Variants in CNTN3 observed in about 807,000 individuals in gnomAD.
CNTN3 encodes contactin 3.
A neutral mutation model predicts 119.1 loss-of-function variants in CNTN3; 60 were observed. The ratio of observed to expected loss-of-function variants is 0.50; its 90% CI spans 0.41 to 0.62. The LOEUF (loss-of-function observed/expected upper bound fraction) is 0.62, where lower values mean the gene tolerates loss of function less well. Ranked by LOEUF, CNTN3 falls within the 20% of genes least tolerant of loss-of-function variation. The pLI is 0.00. For synonymous variants in CNTN3, 450 were observed against 438.7 expected (o/e 1.03, Z -0.32); for missense variants, 1,101 against 1,242.4 (o/e 0.89, Z 1.71).
chr3:74,486,642 A>C lies in CNTN3; in HGVS notation c.183-11T>G. On this transcript the variant is annotated splice_polypyrimidine_tract_variant and intron_variant, in intron 3 of 22. Coordinates refer to ENST00000263665, the MANE Select transcript of CNTN3 (RefSeq NM_020872.3). ...CCATTCAGCTGCCATCTGTAAAACA[A>C]ATATCAAGGTTCCCCCCCCTTAGTA... The C allele has an allele frequency of 6.6e-7, 1 of 1,518,184 alleles. No homozygotes were observed. The highest frequency in any genetic ancestry group is 8.8e-7 in the Non-Finnish European group (1 of 1,139,498). The allele number at this position is 1,518,184 out of a possible 1,614,324, so 94.0% of individuals were successfully genotyped here.
Position 74,456,434 on chromosome 3 carries a change from T to G in CNTN3, c.358+30022A>C, listed in dbSNP as rs541356166. Among the ~76,000 whole-genome samples, 3 of 152,164 alleles carry G rather than the reference T, an allele frequency of 2.0e-5. No individual in the cohort carries two copies. In the East Asian group the frequency reaches 5.8e-4, roughly 30 times the overall value. ...TATATTTTTTGGCAACACATTAGGA[T>G]TATGTTGCATTAATGATCTCAACAG... On this transcript the variant is annotated intron_variant, in intron 4 of 22. Transcript: ENST00000263665.
In CNTN3 at chr3:74,319,196, C is replaced by T. The variant is rs376274020; in HGVS notation, c.1668+15539G>A. The stretch of plus-strand genomic sequence containing the variant: ...AGTTCATATGGAACCAAAAAAGAGC[C>T]GGCGTCGCCAAGTCAATCCTAACCC... On this transcript the variant is annotated intron_variant, in intron 13 of 22. Coordinates refer to ENST00000263665, the MANE Select transcript of CNTN3 (RefSeq NM_020872.3). Among the ~76,000 whole-genome samples the T allele has an allele frequency of 3.0e-4, 45 of 152,160 alleles. No homozygotes were observed. The South Asian group carries it at 5.6e-3, about 19-fold the overall frequency.
chr3:74,294,974 T>C, intron 19 of CNTN3, 147 bp downstream of exon 19: 2 of 503,310 alleles, frequency 4.0e-6, no homozygotes, highest in Non-Finnish European at 7.2e-6. Context: ...TCAGTATACA[T>C]GGAACATCAG....
chr3:74,338,455 CAT>C (rs138319810), intron 11 of CNTN3, among the ~76,000 whole-genome samples: 3,069 of 147,968 alleles, frequency 0.021, 87 homozygotes, highest in African/African-American at 0.071. Flanking sequence ...CACACGTGCA[CAT>C]ATGTGTATAC....
At chr3:74,342,638 C>A (rs1256581772) in intron 11 of CNTN3, among the ~76,000 whole-genome samples, 1 of 152,120 alleles carries the variant, frequency 6.6e-6, no homozygotes, top group African/African-American at 2.4e-5. Flanking sequence ...AGTTAAAAGT[C>A]AACAATAAAG....
At chr3:74,431,075 C>G (rs1701775760) in intron 4 of CNTN3, among the ~76,000 whole-genome samples, 1 of 152,104 alleles carries the variant, frequency 6.6e-6, no homozygotes, top group Admixed American at 6.5e-5. Context: ...TGTAAAAATT[C>G]ACATGGACCA....
At chr3:74,478,153 G>T (rs1702693113) in intron 4 of CNTN3, among the ~76,000 whole-genome samples, 1 of 152,146 alleles carries the variant, frequency 6.6e-6, no homozygotes, top group African/African-American at 2.4e-5. Context: ...AAATGGTTTG[G>T]CATCATGGAG....
chr3:74,610,774 G>T lies in CNTN3; in HGVS notation c.-81+3617C>A, dbSNP rs577196983. On this transcript the variant is annotated intron_variant, in intron 1 of 22. Coordinates refer to ENST00000263665, the MANE Select transcript of CNTN3 (RefSeq NM_020872.3). ...AGATGGGGACTTGGAGAAGGAGGAC[G>T]TGGGTGAACATGGAGGGAAGTGGGC... Among the ~76,000 whole-genome samples, 74 of 152,144 alleles carry T rather than the reference G, an allele frequency of 4.9e-4. 1 individual carries two copies. Among genetic ancestry groups the T allele is most frequent in the Non-Finnish European group, 7.5e-4 (51 of 68,028 alleles).
intron 1 of CNTN3, among the ~76,000 whole-genome samples, chr3:74,593,692 G>A (rs1439241006): frequency 6.6e-6 from 1 of 151,922 alleles, no homozygotes; most frequent in Non-Finnish European, 1.5e-5. Flanking sequence ...ACTTTCCAAG[G>A]CTACGTAGTT....
chr3:74,370,614 T>C (rs1044768221), intron 6 of CNTN3, among the ~76,000 whole-genome samples: 18 of 152,138 alleles, frequency 1.2e-4, no homozygotes, highest in Admixed American at 6.6e-4. Context: ...AAAAAGTGCT[T>C]CAATGCTTTG....
intron 4 of CNTN3, among the ~76,000 whole-genome samples, chr3:74,483,594 G>A (rs1470611827): frequency 6.6e-6 from 1 of 152,038 alleles, no homozygotes; most frequent in Non-Finnish European, 1.5e-5. Flanking sequence ...AAAAGAGATG[G>A]ATTATCTAAG....
chr3:74,580,900 G>C (rs1206571816), intron 1 of CNTN3, among the ~76,000 whole-genome samples: 1 of 152,012 alleles, frequency 6.6e-6, no homozygotes, highest in Non-Finnish European at 1.5e-5. Context: ...TAAATTTTTT[G>C]CAGATGGGGT....
intron 4 of CNTN3, among the ~76,000 whole-genome samples, chr3:74,463,107 A>G (rs1702401512): frequency 6.6e-6 from 1 of 152,146 alleles, no homozygotes; most frequent in Non-Finnish European, 1.5e-5. Context: ...ATAACACAAC[A>G]TCAAACTGAG....
chr3:74,293,206 A>G (rs1702270127), intron 19 of CNTN3, among the ~76,000 whole-genome samples: 1 of 152,160 alleles, frequency 6.6e-6, no homozygotes, highest in African/African-American at 2.4e-5. Context: ...TGGGAGCTCA[A>G]TTTTAACAAC....
At chr3:74,301,328 G>T in intron 16 of CNTN3, 70 bp downstream of exon 16, 3 of 1,499,184 alleles carry the variant, frequency 2.0e-6, no homozygotes, top group Non-Finnish European at 2.7e-6. Context: ...CTGGCCTGGA[G>T]TTCAGGGCCA....
In CNTN3 at chr3:74,369,918, A is replaced by C. The variant is rs1177307256; in HGVS notation, c.732T>G (p.Thr244=). Residue 244 remains threonine (T), a synonymous_variant, in exon 7 of 23, where the codon ACT becomes ACG. Transcript: ENST00000263665. Reference sequence around the variant, plus strand: ...CAAGGGCAAAACATTCCAATTTCACAGTCGAACCTTTAGCTGCTGGAAGAG... The same window carrying C: ...CAAGGGCAAAACATTCCAATTTCACCGTCGAACCTTTAGCTGCTGGAAGAG... The part of the protein sequence containing the change: ...PETLPAAKGS[T]VKLECFALGN... The C allele has an allele frequency of 6.2e-7, 1 of 1,607,358 alleles. No individual in the cohort carries two copies. The highest frequency in any genetic ancestry group is 8.5e-7 in the Non-Finnish European group (1 of 1,175,712).
At chr3:74,549,964 G>T (rs74407287) in intron 1 of CNTN3, among the ~76,000 whole-genome samples, 18,404 of 152,184 alleles carry the variant, frequency 0.12, 1,453 homozygotes, top group Non-Finnish European at 0.17. Flanking sequence ...GCTGAGTAGA[G>T]AAAGATGCCT....
intron 1 of CNTN3, among the ~76,000 whole-genome samples, chr3:74,590,558 G>A (rs1186204893): frequency 6.6e-6 from 1 of 151,880 alleles, no homozygotes; most frequent in Non-Finnish European, 1.5e-5. Flanking sequence ...AAACATATGG[G>A]GGCATTTTAG....
chr3:74,514,412 T>C (rs1040906112), intron 2 of CNTN3, among the ~76,000 whole-genome samples: 1 of 152,138 alleles, frequency 6.6e-6, no homozygotes, highest in African/African-American at 2.4e-5. Context: ...TTTGTAGCCA[T>C]TATTAGTTGG....
Sources: allele counts gnomAD v4.1 joint callset (sites outside exome capture counted in the v4.1 genomes callset), GRCh38; gene constraint gnomAD v4.1.1; transcripts MANE v1.5; gene names NCBI Gene and HGNC (gene_info 2026-07-23, HGNC 2026-07-21).